The following ARHGAP15 variants were observed in gnomAD, a reference collection of about 807,000 sequenced individuals.
ARHGAP15 encodes rho GTPase-activating protein 15.
Under a neutral mutation model 63.7 loss-of-function variants are expected in ARHGAP15, and 51 were observed. The observed-to-expected ratio is 0.80, with a 90% CI of 0.64 to 1.01. The LOEUF (loss-of-function observed/expected upper bound fraction) is 1.01. Among genes scored for constraint, ARHGAP15 ranks in the 50% least tolerant of loss-of-function variants. The pLI is 0.00. For synonymous variants in ARHGAP15, 191 were observed against 193.8 expected (o/e 0.99, Z 0.12); for missense variants, 560 against 564.6 (o/e 0.99, Z 0.08).
intron 11 of ARHGAP15, among the ~76,000 whole-genome samples, chr2:143,620,742 C>T (rs547502395): frequency 9.2e-5 from 14 of 152,276 alleles, no homozygotes; most frequent in African/African-American, 2.9e-4. Flanking sequence ...ATAGCATCTT[C>T]CTCATTCCTT....
chr2:143,340,921 G>A (rs1035981281), intron 6 of ARHGAP15, among the ~76,000 whole-genome samples: 2 of 152,150 alleles, frequency 1.3e-5, no homozygotes, highest in African/African-American at 2.4e-5. Flanking sequence ...GGAAAAAATA[G>A]AAGTTGATCT....
chr2:143,305,727 G>A (rs541717266), intron 6 of ARHGAP15, among the ~76,000 whole-genome samples: 18 of 152,106 alleles, frequency 1.2e-4, no homozygotes, highest in Admixed American at 8.5e-4. Flanking sequence ...TTATTGCAGC[G>A]TTTAACTGTC....
chr2:143,724,909 G>A (rs185091799), intron 13 of ARHGAP15, among the ~76,000 whole-genome samples: 3 of 152,230 alleles, frequency 2.0e-5, no homozygotes, highest in Non-Finnish European at 4.4e-5. Flanking sequence ...ATTTCAATTC[G>A]CTATTTCACA....
At position 143,635,194 on chromosome 2, in the gene ARHGAP15, C is replaced by CTTTTTTTTTTT. The variant is rs10558886; in HGVS notation, c.1138+10946_1138+10956dup. Among the ~76,000 whole-genome samples, 19 of 26,888 alleles carry CTTTTTTTTTTT rather than the reference C, an allele frequency of 7.1e-4. 2 individuals are homozygous for CTTTTTTTTTTT. Among genetic ancestry groups the CTTTTTTTTTTT allele is most frequent in the Non-Finnish European group, 1.2e-3 (19 of 16,378 alleles). 17.6% of individuals were successfully genotyped at this position (26,888 alleles called of 152,430 possible). ...AACTTTCATATTAACCTCTCAGGAGCTTTTTTTTTTTTTTTTTTTTTTTTT... is the reference window on the plus strand; with the variant it reads ...AACTTTCATATTAACCTCTCAGGAGCTTTTTTTTTTTTTTTTTTTTTTTTTTTTTTTTTTTT... On this transcript the variant is annotated intron_variant, in intron 12 of 13. Coordinates refer to ENST00000295095, the MANE Select transcript of ARHGAP15 (RefSeq NM_018460.4).
intron 12 of ARHGAP15, among the ~76,000 whole-genome samples, chr2:143,657,127 G>C (rs1002682693): frequency 6.6e-6 from 1 of 152,074 alleles, no homozygotes; most frequent in Non-Finnish European, 1.5e-5. Context: ...TGGGCAGATC[G>C]TGAGGTCAGG....
chr2:143,387,417 T>A (rs1034614355), intron 6 of ARHGAP15, among the ~76,000 whole-genome samples: 1 of 152,162 alleles, frequency 6.6e-6, no homozygotes, highest in African/African-American at 2.4e-5. Context: ...ATGAGTGAAC[T>A]CTTTAAAAAA....
chr2:143,701,404 A>T (rs1390794422), intron 12 of ARHGAP15, among the ~76,000 whole-genome samples: 1 of 152,280 alleles, frequency 6.6e-6, no homozygotes, highest in East Asian at 1.9e-4. Flanking sequence ...CCATCCTCAA[A>T]GGCTTCAGTA....
At chr2:143,147,264 C>G (rs1689629887) in intron 1 of ARHGAP15, among the ~76,000 whole-genome samples, 1 of 152,012 alleles carries the variant, frequency 6.6e-6, no homozygotes, top group Non-Finnish European at 1.5e-5. Flanking sequence ...TGCTGAGCAA[C>G]TTGTTCTAGA....
At chr2:143,585,509 T>C (rs1294357825) in intron 11 of ARHGAP15, among the ~76,000 whole-genome samples, 1 of 152,058 alleles carries the variant, frequency 6.6e-6, no homozygotes, top group African/African-American at 2.4e-5. Context: ...CAGATAAAAA[T>C]ATGATTCTGC....
At chr2:143,761,113 T>G (rs894517627) in intron 13 of ARHGAP15, among the ~76,000 whole-genome samples, 7 of 152,156 alleles carry the variant, frequency 4.6e-5, no homozygotes, top group Non-Finnish European at 1.0e-4. Flanking sequence ...GTACAGTTTG[T>G]GCAAATTGAG....
At chr2:143,246,395 G>A (rs1264339417) in intron 5 of ARHGAP15, among the ~76,000 whole-genome samples, 2 of 151,690 alleles carry the variant, frequency 1.3e-5, no homozygotes, top group African/African-American at 4.8e-5. Context: ...CCAGCACAAG[G>A]GCTGTGATCT....
chr2:143,169,803 T>C (rs1690700852), intron 2 of ARHGAP15, among the ~76,000 whole-genome samples: 1 of 151,012 alleles, frequency 6.6e-6, no homozygotes, highest in African/African-American at 2.4e-5. Flanking sequence ...CAGTGGCCAG[T>C]GTCGTAGAGG....
chr2:143,492,171 C>T (rs994176192), intron 9 of ARHGAP15, among the ~76,000 whole-genome samples: 9 of 152,270 alleles, frequency 5.9e-5, no homozygotes, highest in East Asian at 1.9e-4. Context: ...TGTGAGCCAC[C>T]GCGCCTGGCC....
intron 12 of ARHGAP15, among the ~76,000 whole-genome samples, chr2:143,675,594 G>T (rs115847217): frequency 2.4e-3 from 360 of 152,212 alleles, no homozygotes; most frequent in African/African-American, 8.4e-3. Flanking sequence ...AAGCAACATT[G>T]GTCTCCTTGT....
chr2:143,583,253 G>T (rs1696981815), intron 11 of ARHGAP15, among the ~76,000 whole-genome samples: 1 of 152,186 alleles, frequency 6.6e-6, no homozygotes, highest in East Asian at 1.9e-4. Flanking sequence ...ACACTGAACA[G>T]TTTATCACAT....
chr2:143,273,732 AAATT>A (rs1299132871), intron 6 of ARHGAP15, among the ~76,000 whole-genome samples: 5 of 152,266 alleles, frequency 3.3e-5, no homozygotes, highest in South Asian at 2.1e-4. Context: ...CTTACTTTGT[AAATT>A]AATTTTTAAC....
chr2:143,134,740 G>C (rs1455627706), intron 1 of ARHGAP15, among the ~76,000 whole-genome samples: 1 of 150,408 alleles, frequency 6.6e-6, no homozygotes, highest in South Asian at 2.1e-4. Flanking sequence ...GTTCATGCCA[G>C]TCTCCTGCCT....
chr2:143,464,374 T>A (rs1484511781), intron 8 of ARHGAP15, among the ~76,000 whole-genome samples: 2 of 152,162 alleles, frequency 1.3e-5, no homozygotes, highest in Non-Finnish European at 2.9e-5. Flanking sequence ...TATAATCTTA[T>A]GGAAAACAGG....
At chr2:143,552,871 G>A (rs563655767) in intron 10 of ARHGAP15, among the ~76,000 whole-genome samples, 100 of 152,236 alleles carry the variant, frequency 6.6e-4, no homozygotes, top group Admixed American at 1.6e-3. Flanking sequence ...CTCTCAAAGC[G>A]ATTTTTCACC....
Sources: gnomAD v4.1 joint callset for allele counts (sites outside exome capture counted in the v4.1 genomes callset) on GRCh38, gnomAD v4.1.1 for gene constraint, MANE v1.5 for transcripts, NCBI Gene and HGNC (gene_info 2026-07-23, HGNC 2026-07-21) for gene names.